The following ELF1 variants were observed in gnomAD, a reference collection of about 807,000 sequenced individuals.
The protein encoded by ELF1 is E74 like ETS transcription factor 1.
A neutral mutation model predicts 59.9 loss-of-function variants in ELF1; 24 were observed. That is an observed-to-expected ratio of 0.40 (90% confidence interval 0.29 to 0.56). The LOEUF is 0.56. Ranked by LOEUF, ELF1 falls within the 20% of genes least tolerant of loss-of-function variation. ELF1 has a pLI of 0.44. For missense variants in ELF1, 627 were observed against 742.2 expected, an observed-to-expected ratio of 0.84 and a Z score of 1.80; for synonymous variants, 248 against 266.2, an observed-to-expected ratio of 0.93 and a Z score of 0.67.
chr13:41,061,097 CTCT>C (rs1256555998), exon 1 of ELF1: 1 of 195,042 alleles, frequency 5.1e-6, no homozygotes, highest in Non-Finnish European at 1.1e-5. Flanking sequence ...GCAGTTTCAC[CTCT>C]TTTTTTTTTA....
At chr13:41,059,340 A>C (rs2138445304) in intron 1 of ELF1, among the ~76,000 whole-genome samples, 2 of 152,394 alleles carry the variant, frequency 1.3e-5, no homozygotes, top group Admixed American at 1.3e-4. Context: ...GAATACAAAC[A>C]TCAGTAACTT....
At chr13:41,036,326 A>G (rs910571673) in intron 1 of ELF1, among the ~76,000 whole-genome samples, 1 of 152,266 alleles carries the variant, frequency 6.6e-6, no homozygotes, top group Non-Finnish European at 1.5e-5. Context: ...TTAATGCCAT[A>G]TAGATGAACA....
chr13:41,025,098 A>G (rs1875839857), intron 1 of ELF1, among the ~76,000 whole-genome samples: 1 of 151,698 alleles, frequency 6.6e-6, no homozygotes, highest in African/African-American at 2.4e-5. Flanking sequence ...TATGGCGTTC[A>G]AGGCTTTCAC....
At chr13:40,950,589 T>C (rs1176236397) in intron 4 of ELF1, among the ~76,000 whole-genome samples, 1 of 152,192 alleles carries the variant, frequency 6.6e-6, no homozygotes, top group Non-Finnish European at 1.5e-5. Context: ...AAGCTTGTCA[T>C]TTACAGCCCA....
Position 40,932,734 on chromosome 13 carries a change from G to T in ELF1, c.*691C>A, listed in dbSNP as rs151078191. 8 of 152,322 alleles carry T rather than the reference G, an allele frequency of 5.3e-5. No homozygotes were observed. Among genetic ancestry groups the T allele is most frequent in the African/African-American group, 1.9e-4 (8 of 41,572 alleles). 9.4% of individuals were successfully genotyped at this position (152,322 alleles called of 1,614,324 possible). A position where few individuals can be genotyped will look rare whatever the true frequency, so the allele number is the denominator to read the frequency against. ...AATTAGAACTAGAAGAGAAAGTGGT[G>T]ATCATCTAGTCTAATCCAATACATC... On this transcript the variant is annotated 3_prime_UTR_variant, in exon 9 of 9. Coordinates refer to ENST00000239882, the MANE Select transcript of ELF1 (RefSeq NM_172373.4).
rs1871635586 is a variant in ELF1 at position 40,958,989 on chromosome 13, C to T, written c.100G>A (p.Val34Ile). The T allele has an allele frequency of 3.1e-6, 5 of 1,610,068 alleles. No individual in the cohort carries two copies. Among genetic ancestry groups the T allele is most frequent in the South Asian group, 1.1e-5 (1 of 90,472 alleles). The change falls in exon 3 of 9, where the codon GTA becomes ATA. Residue 34 changes from valine (V) to isoleucine (I), a missense_variant. By Grantham distance (29) the Val-to-Ile change is conservative. Transcript: ENST00000239882. ...QLGDPAIFPA[V>I]IVEHVPGADI... Reference sequence around the variant, plus strand: ...GCACCAGGAACATGTTCCACAATTACGGCAGGAAAAATAGCTGGATCACCA... The same window carrying T: ...GCACCAGGAACATGTTCCACAATTATGGCAGGAAAAATAGCTGGATCACCA...
In ELF1 at chr13:40,956,644, C is replaced by G. The variant is rs141050964; in HGVS notation, c.253+2192G>C. 2.6e-3 allele frequency among the ~76,000 whole-genome samples: 394 copies of G among 149,304 alleles called. 6 individuals carry two copies. The East Asian group carries it at 0.05, about 19-fold the overall frequency. Reference sequence around the variant, plus strand: ...GTCAGTTAAATATAATTGTTTTTGCCTGGGTCTACTGACAGGTTTACATCG... The same window carrying G: ...GTCAGTTAAATATAATTGTTTTTGCGTGGGTCTACTGACAGGTTTACATCG... On this transcript the variant is annotated intron_variant, in intron 3 of 8. Transcript: ENST00000239882.
intron 1 of ELF1, among the ~76,000 whole-genome samples, chr13:41,027,414 G>A (rs972074033): frequency 1.3e-5 from 2 of 152,168 alleles, no homozygotes; most frequent in African/African-American, 4.8e-5. Context: ...TCCTGGACAT[G>A]GTGGCAGGGA....
At chr13:40,999,044 A>G (rs142594354) in intron 1 of ELF1, among the ~76,000 whole-genome samples, 1 of 152,380 alleles carries the variant, frequency 6.6e-6, no homozygotes, top group Non-Finnish European at 1.5e-5. Flanking sequence ...ATCCAGAACT[A>G]ATCAAAAGAT....
intron 1 of ELF1, among the ~76,000 whole-genome samples, chr13:41,008,761 A>ACATC (rs917781826): frequency 1.3e-5 from 2 of 152,198 alleles, no homozygotes; most frequent in Admixed American, 1.3e-4. Context: ...CCATTAAAAT[A>ACATC]CATCTACTTT....
intron 2 of ELF1, among the ~76,000 whole-genome samples, chr13:40,974,203 T>A (rs1336460133): frequency 2.7e-5 from 4 of 146,266 alleles, no homozygotes; most frequent in African/African-American, 9.8e-5. Context: ...CTGTTTTTTT[T>A]AAAAGGTACA....
intron 8 of ELF1, among the ~76,000 whole-genome samples, chr13:40,937,706 T>C (rs1414854051): frequency 6.6e-6 from 1 of 152,204 alleles, no homozygotes; most frequent in African/African-American, 2.4e-5. Flanking sequence ...CCTGACCTCG[T>C]GATTCACCCG....
chr13:40,955,783 GC>G (rs1871341759), intron 3 of ELF1, among the ~76,000 whole-genome samples: 1 of 49,112 alleles, frequency 2.0e-5, no homozygotes, highest in Non-Finnish European at 3.4e-5. Flanking sequence ...GGGGGGGTCA[GC>G]CCCCCGCCCG....
At chr13:40,970,733 G>A (rs1872486191) in intron 2 of ELF1, among the ~76,000 whole-genome samples, 1 of 152,056 alleles carries the variant, frequency 6.6e-6, no homozygotes, top group Non-Finnish European at 1.5e-5. Flanking sequence ...TATGGATTAT[G>A]TACCTGCTAT....
intron 1 of ELF1, among the ~76,000 whole-genome samples, chr13:41,042,649 T>C (rs1469699399): frequency 6.6e-6 from 1 of 152,222 alleles, no homozygotes; most frequent in Non-Finnish European, 1.5e-5. Flanking sequence ...CATCCTTTTT[T>C]ATGGCTGCAT....
intron 7 of ELF1, 134 bp downstream of exon 7, chr13:40,942,818 G>C: frequency 2.1e-6 from 2 of 948,358 alleles, no homozygotes; most frequent in Non-Finnish European, 2.9e-6. Flanking sequence ...CACCGCACCT[G>C]ACTGAAAATG....
At chr13:40,985,284 A>G (rs1868525677) in intron 1 of ELF1, among the ~76,000 whole-genome samples, 1 of 152,204 alleles carries the variant, frequency 6.6e-6, no homozygotes, top group Admixed American at 6.5e-5. Flanking sequence ...GTAGATATCA[A>G]AGATTCTTAT....
At chr13:40,969,433 C>A (rs1042681308) in intron 2 of ELF1, among the ~76,000 whole-genome samples, 4 of 152,174 alleles carry the variant, frequency 2.6e-5, no homozygotes, top group Non-Finnish European at 5.9e-5. Flanking sequence ...CCTCATTATA[C>A]ATGTTTTCCT....
intron 1 of ELF1, among the ~76,000 whole-genome samples, chr13:41,030,313 C>G (rs1444814812): frequency 6.6e-6 from 1 of 152,074 alleles, no homozygotes; most frequent in Non-Finnish European, 1.5e-5. Context: ...AAAAAAATGA[C>G]AGTTGAATTT....
Sources: gnomAD v4.1 joint callset for allele counts (sites outside exome capture counted in the v4.1 genomes callset) on GRCh38, gnomAD v4.1.1 for gene constraint, MANE v1.5 for transcripts, NCBI Gene and HGNC (gene_info 2026-07-23, HGNC 2026-07-21) for gene names.